TWSG1: variants seen among roughly 807,000 people sequenced by gnomAD.
The protein encoded by TWSG1 is twisted gastrulation protein homolog 1.
In TWSG1, 15 loss-of-function variants were observed where a neutral mutation model predicts 23.0. The ratio of observed to expected loss-of-function variants is 0.65; its 90% CI spans 0.44 to 1.00. The LOEUF (loss-of-function observed/expected upper bound fraction) is 1.00. Among genes scored for constraint, TWSG1 ranks in the 50% least tolerant of loss-of-function variants. The probability of loss-of-function intolerance (pLI) is 0.00; values close to 1 mark genes in which losing one functional copy is unlikely to be tolerated. For synonymous variants in TWSG1, 86 were observed against 92.8 expected, an observed-to-expected ratio of 0.93 and a Z score of 0.42; for missense variants, 242 against 278.7, an observed-to-expected ratio of 0.87 and a Z score of 0.94.
At chr18:9,390,864 T>C (rs568779460) in intron 3 of TWSG1, among the ~76,000 whole-genome samples, 1 of 152,028 alleles carries the variant, frequency 6.6e-6, no homozygotes, top group South Asian at 2.1e-4. Flanking sequence ...ATGGAAAAAA[T>C]TAGCTGGGCG....
intron 3 of TWSG1, among the ~76,000 whole-genome samples, chr18:9,371,396 A>T (rs1017744660): frequency 1.3e-5 from 2 of 150,410 alleles, no homozygotes; most frequent in Non-Finnish European, 3.0e-5. Context: ...TCCTGGGTTC[A>T]AACTATTCTC....
At chr18:9,374,115 A>C (rs554436651) in intron 3 of TWSG1, among the ~76,000 whole-genome samples, 134 of 152,314 alleles carry the variant, frequency 8.8e-4, no homozygotes, top group African/African-American at 3.2e-3. Context: ...AAAAATCAGT[A>C]ATCCAAACTT....
In TWSG1 at chr18:9,396,284, GTGTAA is replaced by G. The variant is rs770543195; in HGVS notation, c.230_234del (p.Cys77SerfsTer5). ...ATGATATTACCCCCAACCCAGGTAT[GTGTAA>G]TCCTCGAAATTATAGTGACACACCT... On this transcript the variant is annotated frameshift_variant, in exon 4 of 5. Transcript: ENST00000262120. LOFTEE classifies it high-confidence loss of function. 8.7e-6 allele frequency: 14 copies of G among 1,613,812 alleles called. No homozygotes were observed. The Admixed American group carries it at 2.2e-4, about 25-fold the overall frequency.
chr18:9,340,294 G>T (rs1352571351), intron 2 of TWSG1, among the ~76,000 whole-genome samples: 1 of 149,728 alleles, frequency 6.7e-6, no homozygotes, highest in Non-Finnish European at 1.5e-5. Flanking sequence ...CGTGAACCCA[G>T]GAGGCGGAGC....
chr18:9,387,450 T>C (rs2040689789), intron 3 of TWSG1, among the ~76,000 whole-genome samples: 1 of 152,174 alleles, frequency 6.6e-6, no homozygotes, highest in African/African-American at 2.4e-5. Context: ...TATCCTTTTT[T>C]ATTTCTTTGC....
At chr18:9,356,643 A>C (rs1375915712) in intron 2 of TWSG1, among the ~76,000 whole-genome samples, 1 of 152,216 alleles carries the variant, frequency 6.6e-6, no homozygotes, top group Non-Finnish European at 1.5e-5. Flanking sequence ...ATATAAATAC[A>C]GGTTGAACAT....
intron 3 of TWSG1, among the ~76,000 whole-genome samples, chr18:9,394,154 A>G (rs1429364932): frequency 6.6e-6 from 1 of 152,200 alleles, no homozygotes; most frequent in Non-Finnish European, 1.5e-5. Context: ...GTCAACCTAG[A>G]TGTCCAACAA....
At chr18:9,345,524 C>A (rs1409064203) in intron 2 of TWSG1, among the ~76,000 whole-genome samples, 1 of 152,114 alleles carries the variant, frequency 6.6e-6, no homozygotes, top group Non-Finnish European at 1.5e-5. Context: ...ACATTTCTCC[C>A]CCACTGAGTT....
intron 2 of TWSG1, among the ~76,000 whole-genome samples, chr18:9,350,924 TTTTA>T (rs914004048): frequency 2.0e-4 from 31 of 152,156 alleles, no homozygotes; most frequent in African/African-American, 6.3e-4. Context: ...TAATTGAATA[TTTTA>T]TTTATTTATT....
chr18:9,375,166 C>CAAAAAA (rs34522798), intron 3 of TWSG1, among the ~76,000 whole-genome samples: 1 of 89,772 alleles, frequency 1.1e-5, no homozygotes. Flanking sequence ...TACTCCGTCT[C>CAAAAAA]AAAAAAAAAA....
chr18:9,352,575 A>G (rs1040023646), intron 2 of TWSG1, among the ~76,000 whole-genome samples: 2 of 152,160 alleles, frequency 1.3e-5, no homozygotes, highest in Admixed American at 6.5e-5. Context: ...CAGGGTTGCA[A>G]ACAGCTTATG....
intron 3 of TWSG1, among the ~76,000 whole-genome samples, chr18:9,367,951 G>C (rs2040587551): frequency 6.6e-6 from 1 of 151,992 alleles, no homozygotes; most frequent in Admixed American, 6.6e-5. Context: ...CTTGACTATT[G>C]TGAATAATGC....
intron 3 of TWSG1, among the ~76,000 whole-genome samples, chr18:9,376,235 G>A (rs2040629936): frequency 6.6e-6 from 1 of 152,118 alleles, no homozygotes; most frequent in South Asian, 2.1e-4. Context: ...TAGATTTAAT[G>A]CAATTGCAAT....
chr18:9,396,714 G>T, intron 4 of TWSG1, 168 bp downstream of exon 4: 1 of 796,662 alleles, frequency 1.3e-6, no homozygotes, highest in South Asian at 2.0e-5. Context: ...ATATCTAGAG[G>T]CACATGCCAG....
At position 9,399,529 on chromosome 18, in the gene TWSG1, GA is replaced by G; in HGVS notation, c.*4del. ...AAATGTATGAACTGCATGTTTTAAA[GA>G]AGACAAATGCAAACCAAAGCAACTT... On this transcript the variant is annotated 3_prime_UTR_variant, in exon 5 of 5. Coordinates refer to ENST00000262120, the MANE Select transcript of TWSG1 (RefSeq NM_020648.6). 1 of 1,596,744 alleles carries G rather than the reference GA, an allele frequency of 6.3e-7. No individual in the cohort carries two copies. Among genetic ancestry groups the G allele is most frequent in the Admixed American group, 1.8e-5 (1 of 55,420 alleles).
At chr18:9,357,564 A>G (rs1387528947) in intron 2 of TWSG1, among the ~76,000 whole-genome samples, 1 of 152,220 alleles carries the variant, frequency 6.6e-6, no homozygotes, top group Non-Finnish European at 1.5e-5. Context: ...GTATTGAGGT[A>G]CAGAAATGAG....
At chr18:9,370,803 T>C (rs1239092435) in intron 3 of TWSG1, among the ~76,000 whole-genome samples, 1 of 152,206 alleles carries the variant, frequency 6.6e-6, no homozygotes, top group African/African-American at 2.4e-5. Context: ...TAAGTATCCT[T>C]TTCTGCTTTG....
chr18:9,355,146 C>T (rs2040519806), intron 2 of TWSG1, among the ~76,000 whole-genome samples: 1 of 151,976 alleles, frequency 6.6e-6, no homozygotes, highest in Non-Finnish European at 1.5e-5. Flanking sequence ...TTGGTAGAGA[C>T]GGGGTTTCAC....
Position 9,386,579 on chromosome 18 carries a change from A to T in TWSG1, c.224-9701A>T, listed in dbSNP as rs567190401. 1.2e-3 allele frequency among the ~76,000 whole-genome samples: 181 copies of T among 148,824 alleles called. 2 individuals are homozygous for T. The highest frequency in any genetic ancestry group is 4.2e-3 in the African/African-American group (173 of 40,792). On this transcript the variant is annotated intron_variant, in intron 3 of 4. Coordinates refer to ENST00000262120, the MANE Select transcript of TWSG1 (RefSeq NM_020648.6). ...AAAGAATAGGCACTCCAGAAGAATT[A>T]AAAAAAAAAGAAAAAAGGAAGGAGG...
Sources: gnomAD v4.1 joint callset for allele counts (sites outside exome capture counted in the v4.1 genomes callset) on GRCh38, gnomAD v4.1.1 for gene constraint, MANE v1.5 for transcripts, NCBI Gene and HGNC (gene_info 2026-07-23, HGNC 2026-07-21) for gene names.